Variants in ADGRA3 observed in about 807,000 individuals in gnomAD.
The protein encoded by ADGRA3 is G-protein coupled receptor 125.
ADGRA3 carries 56 observed loss-of-function variants against 119.8 expected under a neutral mutation model. That is an observed-to-expected ratio of 0.47 (90% CI 0.38 to 0.58). The LOEUF (loss-of-function observed/expected upper bound fraction) is 0.58. Among genes scored for constraint, ADGRA3 ranks in the 20% least tolerant of loss-of-function variants. The probability of loss-of-function intolerance (pLI) is 0.00; values close to 1 mark genes in which losing one functional copy is unlikely to be tolerated. For synonymous variants in ADGRA3, 607 were observed against 623.8 expected (o/e 0.97, Z 0.40); for missense variants, 1,516 against 1,649.0 (o/e 0.92, Z 1.40).
At chr4:22,494,981 T>C (rs1718760282) in intron 1 of ADGRA3, among the ~76,000 whole-genome samples, 1 of 151,962 alleles carries the variant, frequency 6.6e-6, no homozygotes, top group South Asian at 2.1e-4. Flanking sequence ...GTTTAACGTA[T>C]AAATCAGGTA....
At chr4:22,497,267 A>G in intron 1 of ADGRA3, among the ~76,000 whole-genome samples, 1 of 152,180 alleles carries the variant, frequency 6.6e-6, no homozygotes, top group East Asian at 1.9e-4. Flanking sequence ...GAATCTGCAC[A>G]CTGTCCATAA....
chr4:22,443,005 C>T, intron 6 of ADGRA3, 142 bp from the exon 7 acceptor site: 2 of 704,808 alleles, frequency 2.8e-6, no homozygotes, highest in Non-Finnish European at 2.5e-6. Flanking sequence ...CTAGTATCAA[C>T]CAGGCTGCTA....
At chr4:22,429,404 A>G (rs1227457773) in intron 10 of ADGRA3, among the ~76,000 whole-genome samples, 1 of 152,210 alleles carries the variant, frequency 6.6e-6, no homozygotes, top group Non-Finnish European at 1.5e-5. Context: ...CCCAGTCACC[A>G]AAGAACAGCA....
intron 14 of ADGRA3, among the ~76,000 whole-genome samples, chr4:22,409,631 C>T (rs1715106214): frequency 6.6e-6 from 1 of 152,144 alleles, no homozygotes; most frequent in African/African-American, 2.4e-5. Context: ...AGAGGAGTGG[C>T]TGACACATAA....
chr4:22,415,805 T>C, intron 12 of ADGRA3, among the ~76,000 whole-genome samples: 1 of 152,066 alleles, frequency 6.6e-6, no homozygotes, highest in East Asian at 1.9e-4. Flanking sequence ...AGAAAAGGTC[T>C]CCTACACAAG....
intron 1 of ADGRA3, 171 bp downstream of exon 1, chr4:22,515,357 T>C: frequency 2.9e-6 from 2 of 696,236 alleles, no homozygotes; most frequent in East Asian, 7.4e-5. Flanking sequence ...TTCCCTTGCC[T>C]TTCCCTGAAC....
At chr4:22,510,409 T>C (rs1163221240) in intron 1 of ADGRA3, among the ~76,000 whole-genome samples, 1 of 152,108 alleles carries the variant, frequency 6.6e-6, no homozygotes, top group African/African-American at 2.4e-5. Context: ...AAACTTCTCT[T>C]AGCTTCCAGG....
intron 1 of ADGRA3, 49 bp downstream of exon 1, chr4:22,515,479 T>C: frequency 3.2e-6 from 5 of 1,574,758 alleles, no homozygotes; most frequent in Non-Finnish European, 3.5e-6. Context: ...AGCGGAGAGA[T>C]AAGAAAGAGC....
intron 1 of ADGRA3, among the ~76,000 whole-genome samples, chr4:22,505,687 C>T (rs974947899): frequency 2.0e-5 from 3 of 151,562 alleles, no homozygotes; most frequent in Non-Finnish European, 4.4e-5. Flanking sequence ...CCACGGTTAT[C>T]CCCCTGCTGT....
chr4:22,515,678 GCGC>G lies in ADGRA3; in HGVS notation c.104_106del (p.Gly35del), dbSNP rs769005255. The G allele has an allele frequency of 9.5e-5, 108 of 1,139,522 alleles. No individual in the cohort carries two copies. Among genetic ancestry groups the G allele is most frequent in the Middle Eastern group, 3.7e-4 (1 of 2,678 alleles). 70.6% of individuals were successfully genotyped at this position (1,139,522 alleles called of 1,614,324 possible). A position where few individuals can be genotyped will look rare whatever the true frequency, so the allele number is the denominator to read the frequency against. On this transcript the variant is annotated inframe_deletion, in exon 1 of 19. Transcript: ENST00000334304. ...CTTGCAGCCGGCGGGCAGCGCCGCGGCGCCGCCGCCGCCGCCGCCTCCCAGCAG... is the reference window on the plus strand; with the variant it reads ...CTTGCAGCCGGCGGGCAGCGCCGCGGCGCCGCCGCCGCCGCCTCCCAGCAG...
At chr4:22,474,816 T>A (rs900876022) in intron 1 of ADGRA3, among the ~76,000 whole-genome samples, 1 of 152,198 alleles carries the variant, frequency 6.6e-6, no homozygotes, top group Non-Finnish European at 1.5e-5. Context: ...CAGAAAATTC[T>A]CCATCACACA....
intron 1 of ADGRA3, among the ~76,000 whole-genome samples, chr4:22,474,836 A>G (rs940842737): frequency 1.3e-5 from 2 of 152,214 alleles, no homozygotes; most frequent in Admixed American, 6.5e-5. Context: ...ACAGCATTGC[A>G]TAACTTTCAG....
intron 1 of ADGRA3, among the ~76,000 whole-genome samples, chr4:22,507,815 G>C (rs532616441): frequency 2.6e-5 from 4 of 152,286 alleles, no homozygotes; most frequent in Admixed American, 2.6e-4. Flanking sequence ...TCCCAACACA[G>C]TCTATGCGTG....
chr4:22,466,954 T>C (rs1246086978), intron 2 of ADGRA3, among the ~76,000 whole-genome samples: 2 of 152,166 alleles, frequency 1.3e-5, no homozygotes, highest in African/African-American at 2.4e-5. Flanking sequence ...AACCTTTCTA[T>C]AAAAATATTT....
chr4:22,439,785 T>C (rs916163510), intron 7 of ADGRA3, among the ~76,000 whole-genome samples: 3 of 152,146 alleles, frequency 2.0e-5, no homozygotes, highest in African/African-American at 7.2e-5. Flanking sequence ...TCAATGAAAA[T>C]CATTCCTTAA....
rs1713920392 is a variant in ADGRA3 at position 22,388,062 on chromosome 4, C to G, written c.3609G>C (p.Gln1203His). Residue 1203 changes from glutamine to histidine, a missense_variant, in exon 19 of 19, where the codon CAG becomes CAC. Transcript: ENST00000334304. ...CCAGCCGGCTTTTAGGTAAGCCGTT[C>G]TGCACGCTTCCTTCCACGCTCGTTG... ...DVPTSVEGSVQNGLPKSRLGN... is the reference protein window; with the variant it reads ...DVPTSVEGSVHNGLPKSRLGN... The G allele has an allele frequency of 6.2e-7, 1 of 1,614,056 alleles. No individual in the cohort carries two copies.
chr4:22,415,657 C>T (rs1283735213), intron 12 of ADGRA3, among the ~76,000 whole-genome samples: 3 of 152,032 alleles, frequency 2.0e-5, no homozygotes, highest in African/African-American at 7.2e-5. Context: ...TCGTTATACA[C>T]ACAAAATGAC....
intron 14 of ADGRA3, among the ~76,000 whole-genome samples, chr4:22,403,392 T>A (rs1027857001): frequency 6.6e-6 from 1 of 151,856 alleles, no homozygotes; most frequent in African/African-American, 2.4e-5. Context: ...TTGATGAAGA[T>A]AAGTCAAGCA....
intron 7 of ADGRA3, among the ~76,000 whole-genome samples, chr4:22,439,801 A>G (rs1451845416): frequency 6.6e-6 from 1 of 152,188 alleles, no homozygotes; most frequent in Admixed American, 6.5e-5. Flanking sequence ...CTTAATCCAG[A>G]AGTTCCCAAA....
Sources: allele counts gnomAD v4.1 joint callset (sites outside exome capture counted in the v4.1 genomes callset), GRCh38; gene constraint gnomAD v4.1.1; transcripts MANE v1.5; gene names NCBI Gene and HGNC (gene_info 2026-07-23, HGNC 2026-07-21).